The following ADGRL3 variants were observed in gnomAD, a reference collection of about 807,000 sequenced individuals.
ADGRL3 encodes adhesion G protein-coupled receptor L3, also known as calcium-independent alpha-latrotoxin receptor 3.
Under a neutral mutation model 153.5 loss-of-function variants are expected in ADGRL3, and 62 were observed. The observed-to-expected ratio is 0.40, with a 90% CI of 0.33 to 0.50. The LOEUF (loss-of-function observed/expected upper bound fraction) is 0.50. Among genes scored for constraint, ADGRL3 ranks in the 20% least tolerant of loss-of-function variants. ADGRL3 has a pLI of 0.47. For synonymous variants in ADGRL3, 710 were observed against 672.5 expected (o/e 1.06, Z -0.86); for missense variants, 1,641 against 1,859.4 (o/e 0.88, Z 2.16).
chr4:61,805,462 G>A (rs1004026759), intron 8 of ADGRL3, among the ~76,000 whole-genome samples: 1 of 152,138 alleles, frequency 6.6e-6, no homozygotes, highest in African/African-American at 2.4e-5. Context: ...GACTTCCCTG[G>A]TTTATAGTTT....
intron 17 of ADGRL3, among the ~76,000 whole-genome samples, chr4:61,970,170 A>G (rs1397820448): frequency 6.6e-6 from 1 of 152,138 alleles, no homozygotes; most frequent in Non-Finnish European, 1.5e-5. Context: ...TGTTTTATAG[A>G]ATTAAAATGA....
At chr4:62,042,569 G>A (rs1482474519) in intron 24 of ADGRL3, among the ~76,000 whole-genome samples, 1 of 151,830 alleles carries the variant, frequency 6.6e-6, no homozygotes, top group East Asian at 1.9e-4. Flanking sequence ...TGCAATTAGA[G>A]CAGACAGGGG....
intron 8 of ADGRL3, among the ~76,000 whole-genome samples, chr4:61,744,569 T>C (rs1259618522): frequency 1.3e-5 from 2 of 152,190 alleles, no homozygotes; most frequent in African/African-American, 2.4e-5. Context: ...AAATCCGCTG[T>C]TCTGCAGCCA....
At chr4:61,521,041 C>T (rs1280633367) in intron 4 of ADGRL3, among the ~76,000 whole-genome samples, 1 of 152,086 alleles carries the variant, frequency 6.6e-6, no homozygotes. Context: ...TCTAATTACT[C>T]ATGTCACTAG....
chr4:61,675,397 G>T (rs1011247059), intron 5 of ADGRL3, among the ~76,000 whole-genome samples: 2 of 151,774 alleles, frequency 1.3e-5, no homozygotes, highest in Non-Finnish European at 2.9e-5. Context: ...AATATTATGG[G>T]TAGGAAAAAC....
chr4:62,056,498 A>G (rs911319571), intron 25 of ADGRL3, among the ~76,000 whole-genome samples: 1 of 152,128 alleles, frequency 6.6e-6, no homozygotes, highest in African/African-American at 2.4e-5. Context: ...TTTTACATGC[A>G]GTGTTAAGGA....
chr4:61,955,378 A>G (rs1278364175), intron 17 of ADGRL3, among the ~76,000 whole-genome samples: 3 of 152,186 alleles, frequency 2.0e-5, no homozygotes, highest in African/African-American at 7.2e-5. Flanking sequence ...ATAATAATGA[A>G]TGCTTACTAA....
chr4:62,006,352 G>C (rs369431395), intron 21 of ADGRL3, among the ~76,000 whole-genome samples: 5 of 152,042 alleles, frequency 3.3e-5, no homozygotes, highest in African/African-American at 1.2e-4. Context: ...TAAGAGAATG[G>C]AGTGGAGTGT....
intron 4 of ADGRL3, among the ~76,000 whole-genome samples, chr4:61,553,663 ACTT>A (rs1268492899): frequency 6.6e-6 from 1 of 152,150 alleles, no homozygotes; most frequent in Non-Finnish European, 1.5e-5. Flanking sequence ...ATAAAAGGAA[ACTT>A]CAATAATTTT....
chr4:61,750,577 G>A (rs1161889189), intron 8 of ADGRL3, among the ~76,000 whole-genome samples: 2 of 152,032 alleles, frequency 1.3e-5, no homozygotes, highest in Non-Finnish European at 2.9e-5. Context: ...GGATCACGAG[G>A]TCAGGAGATC....
At chr4:61,316,867 C>G (rs1189967988) in intron 1 of ADGRL3, among the ~76,000 whole-genome samples, 1 of 152,146 alleles carries the variant, frequency 6.6e-6, no homozygotes, top group East Asian at 1.9e-4. Flanking sequence ...ACATAAGTGT[C>G]TATGCCTTCT....
chr4:61,546,634 A>C (rs1399109888), intron 4 of ADGRL3, among the ~76,000 whole-genome samples: 1 of 152,170 alleles, frequency 6.6e-6, no homozygotes, highest in Non-Finnish European at 1.5e-5. Flanking sequence ...ATAGCCAGAA[A>C]TCAACCCTGA....
intron 6 of ADGRL3, among the ~76,000 whole-genome samples, chr4:61,688,040 C>T (rs1465650532): frequency 1.3e-5 from 2 of 151,982 alleles, no homozygotes; most frequent in Admixed American, 6.6e-5. Flanking sequence ...TGTCATCATC[C>T]GAATAAGTAT....
chr4:61,277,553 G>C (rs561756543), intron 1 of ADGRL3, among the ~76,000 whole-genome samples: 3 of 152,006 alleles, frequency 2.0e-5, no homozygotes, highest in African/African-American at 7.2e-5. Context: ...TCTTGGTGTA[G>C]AACTGACTAA....
At chr4:61,811,248 A>G (rs570091252) in intron 8 of ADGRL3, among the ~76,000 whole-genome samples, 26 of 152,294 alleles carry the variant, frequency 1.7e-4, no homozygotes, top group Admixed American at 1.7e-3. Flanking sequence ...CAATTGATGT[A>G]TGGATAAATT....
At chr4:61,601,121 T>C (rs2099009816) in intron 5 of ADGRL3, among the ~76,000 whole-genome samples, 1 of 152,162 alleles carries the variant, frequency 6.6e-6, no homozygotes, top group Non-Finnish European at 1.5e-5. Context: ...ATAAGAATGT[T>C]GTTACTTTTT....
At chr4:61,343,922 G>A (rs765455289) in intron 1 of ADGRL3, among the ~76,000 whole-genome samples, 1 of 152,114 alleles carries the variant, frequency 6.6e-6, no homozygotes, top group Non-Finnish European at 1.5e-5. Flanking sequence ...TCAATTTTGT[G>A]ATTCTATAAC....
At chr4:61,781,954 A>G (rs896286570) in intron 8 of ADGRL3, among the ~76,000 whole-genome samples, 3 of 152,180 alleles carry the variant, frequency 2.0e-5, no homozygotes, top group Non-Finnish European at 4.4e-5. Context: ...CTTTTAACAA[A>G]TACTTATCGA....
intron 3 of ADGRL3, among the ~76,000 whole-genome samples, chr4:61,498,206 G>A (rs1363041210): frequency 6.6e-6 from 1 of 151,950 alleles, no homozygotes; most frequent in East Asian, 1.9e-4. Context: ...CCAATAAAGG[G>A]AAATTGTTTT....
Sources: allele counts gnomAD v4.1 joint callset (sites outside exome capture counted in the v4.1 genomes callset), GRCh38; gene constraint gnomAD v4.1.1; transcripts MANE v1.5; gene names NCBI Gene and HGNC (gene_info 2026-07-23, HGNC 2026-07-21).